The following PRB2 variants were observed in gnomAD, a reference collection of about 807,000 sequenced individuals.
PRB2 encodes the protein proline rich protein BstNI subfamily 2.
PRB2 carries 12 observed loss-of-function variants against 8.3 expected under a neutral mutation model. The observed-to-expected ratio is 1.45, with a 90% CI of 0.93 to 2.35. The LOEUF is 2.35. Among genes scored for constraint, PRB2 ranks in the 30% most tolerant of loss-of-function variants. The pLI, the probability that PRB2 is intolerant of heterozygous loss-of-function variation, is 0.00. For missense variants in PRB2, 470 were observed against 507.0 expected (o/e 0.93, Z 0.70); for synonymous variants, 146 against 180.0 (o/e 0.81, Z 1.51).
In PRB2 at chr12:11,393,938, G is replaced by C. The variant is rs748769813; in HGVS notation, c.140C>G (p.Pro47Arg). The C allele has an allele frequency of 6.3e-7, 1 of 1,578,762 alleles. No homozygotes were observed. Among genetic ancestry groups the C allele is most frequent in the African/African-American group, 1.4e-5 (1 of 73,702 alleles). ...TCCTGGAGGAGATGGGGGACCTTGA[G>C]GTTTGTTGCCTCCTTGTGGGGGTGC... ...QGAPPQGGNK[P>R]QGPPSPPGKP... is the part of the protein sequence containing the mutation. The change falls in exon 3 of 4, where the codon CCT (proline) becomes CGT (arginine). Residue 47 changes from proline (P) to arginine (R), a missense_variant. Physicochemically the swap from Pro to Arg is moderately radical, Grantham distance 103. Coordinates refer to ENST00000389362, the MANE Select transcript of PRB2 (RefSeq NM_006248.4).
At position 11,392,820 on chromosome 12, in the gene PRB2, G is replaced by A. The variant is rs1864334836; in HGVS notation, c.*7C>T. On this transcript the variant is annotated 3_prime_UTR_variant, in exon 3 of 4. Coordinates refer to ENST00000389362, the MANE Select transcript of PRB2 (RefSeq NM_006248.4). ...TGTCATTGAATCCTAGATGACTGGG[G>A]AGGCTGTCACTGGGGAGGTCTGGAA... 6.7e-7 allele frequency: 1 copy of A among 1,498,236 alleles called. No individual in the cohort carries two copies. Among genetic ancestry groups the A allele is most frequent in the Non-Finnish European group, 8.9e-7 (1 of 1,122,682 alleles). 92.8% of individuals were successfully genotyped at this position (1,498,236 alleles called of 1,614,324 possible).
intron 1 of PRB2, among the ~76,000 whole-genome samples, chr12:11,395,185 C>T (rs1474606340): frequency 6.6e-6 from 1 of 151,966 alleles, no homozygotes; most frequent in Non-Finnish European, 1.5e-5. Flanking sequence ...CATGAATCTG[C>T]CTTGCATTCT....
chr12:11,392,750 T>C, intron 3 of PRB2, 44 bp downstream of exon 3: 1 of 1,108,984 alleles, frequency 9.0e-7, no homozygotes, highest in Non-Finnish European at 1.2e-6. Context: ...GCTGGAGAGC[T>C]GTAGCAATTA....
Position 11,395,423 on chromosome 12 carries a change from G to T in PRB2, c.64+43C>A, listed in dbSNP as rs766706006. On this transcript the variant is annotated intron_variant, in intron 1 of 3. Coordinates refer to ENST00000389362, the MANE Select transcript of PRB2 (RefSeq NM_006248.4). ...CGTAATTACCATTATCACCTCCTAA[G>T]CCCCAAGCAGAGTCACCACATCTTC... 5 of 1,611,278 alleles carry T rather than the reference G, an allele frequency of 3.1e-6. No homozygotes were observed. The East Asian group carries it at 1.1e-4, about 36-fold the overall frequency.
chr12:11,393,959 G>T lies in PRB2; in HGVS notation c.119C>A (p.Pro40His). Residue 40 changes from proline to histidine, a missense_variant, in exon 3 of 4, where the codon CCC (proline) becomes CAC (histidine). Pro to His is a moderately conservative substitution (Grantham distance 77). Around this residue, in one of 4 missense-constraint regions of PRB2, gnomAD observed 211 missense variants for 207.7 expected, o/e 1.02. Coordinates refer to ENST00000389362, the MANE Select transcript of PRB2 (RefSeq NM_006248.4). ...TTGAGGTTTGTTGCCTCCTTGTGGG[G>T]GTGCTCCTTGTGGATTTCCTGGAGA... ...SLIAGNPQGA[P>H]PQGGNKPQGP... The T allele has an allele frequency of 1.3e-6, 2 of 1,587,878 alleles. No homozygotes were observed. Among genetic ancestry groups the T allele is most frequent in the Non-Finnish European group, 1.7e-6 (2 of 1,163,888 alleles).
At chr12:11,394,569 T>C (rs768566595) in intron 1 of PRB2, 39 bp from the exon 2 acceptor site, 21 of 1,607,736 alleles carry the variant, frequency 1.3e-5, no homozygotes, top group Middle Eastern at 1.6e-4. Context: ...CAGTTACATC[T>C]TGAACCTTAC....
At position 11,393,713 on chromosome 12, in the gene PRB2, G is replaced by A. The variant is rs1864359540; in HGVS notation, c.365C>T (p.Pro122Leu). 1.9e-6 allele frequency: 3 copies of A among 1,600,346 alleles called. No individual in the cohort carries two copies. Among genetic ancestry groups the A allele is most frequent in the Non-Finnish European group, 2.6e-6 (3 of 1,173,184 alleles). The change falls in exon 3 of 4, where the codon CCC (proline) becomes CTC (leucine). Residue 122 changes from proline to leucine, a missense_variant. Coordinates refer to ENST00000389362, the MANE Select transcript of PRB2 (RefSeq NM_006248.4). ...TTGAGGCTGGTTGCCTCCTTGTGGG[G>A]GTGGTCCTTGTGGCTTTCCTGGAGG... ...RSPPGKPQGP[P>L]PQGGNQPQGP...
In PRB2 at chr12:11,393,031, G is replaced by T; in HGVS notation, c.1047C>A (p.Pro349=). 1 of 1,608,494 alleles carries T rather than the reference G, an allele frequency of 6.2e-7. No homozygotes were observed. Among genetic ancestry groups the T allele is most frequent in the South Asian group, 1.1e-5 (1 of 90,504 alleles). The change falls in exon 3 of 4, where the codon CCC becomes CCA. Residue 349 remains proline (P), a synonymous_variant. Coordinates refer to ENST00000389362, the MANE Select transcript of PRB2 (RefSeq NM_006248.4). ...PPPPGKPQGP[P]PQGGSKSRSA... ...TTCGGGACTTGCTGCCTCCTTGTGG[G>T]GGTGGTCCTTGTGGCTTTCCTGGAG...
In PRB2 at chr12:11,391,545, A is replaced by G; in HGVS notation, c.*137T>C. 1 of 379,212 alleles carries G rather than the reference A, an allele frequency of 2.6e-6. No homozygotes were observed. Among genetic ancestry groups the G allele is most frequent in the Non-Finnish European group, 5.2e-6 (1 of 191,748 alleles). The allele number at this position is 379,212 out of a possible 1,614,324, so 23.5% of individuals were successfully genotyped here. A position where few individuals can be genotyped will look rare whatever the true frequency, so the allele number is the denominator to read the frequency against. ...ACAGACACCACAATCAGAAATTGCA[A>G]GCTAATTATTTTATTGGTATACAGA... On this transcript the variant is annotated 3_prime_UTR_variant, in exon 4 of 4. Coordinates refer to ENST00000389362, the MANE Select transcript of PRB2 (RefSeq NM_006248.4).
At position 11,394,533 on chromosome 12, in the gene PRB2, A is replaced by G. The variant is rs750813548; in HGVS notation, c.65-3T>C. The G allele has an allele frequency of 1.9e-6, 3 of 1,613,292 alleles. No homozygotes were observed. The highest frequency in any genetic ancestry group is 2.2e-5 in the South Asian group (2 of 91,070). On this transcript the variant is annotated splice_polypyrimidine_tract_variant and splice_region_variant and intron_variant, in intron 1 of 3. Coordinates refer to ENST00000389362, the MANE Select transcript of PRB2 (RefSeq NM_006248.4). The stretch of plus-strand genomic sequence containing the variant: ...GGGAGATTCTTCCTGGCTGACATCT[A>G]GAAGAGAAGCACAGGATGATGGGAA...
rs2416784 is a variant in PRB2 at position 11,395,393 on chromosome 12, T to C, written c.64+73A>G. 4,399 of 1,589,020 alleles carry C rather than the reference T, an allele frequency of 2.8e-3. 23 individuals are homozygous for C. Among genetic ancestry groups the C allele is most frequent in the South Asian group, 6.4e-3 (582 of 90,448 alleles). ...CCATCTGTGTTTTCATTCTCCTCTC[T>C]TCCCCGTAATTACCATTATCACCTC... On this transcript the variant is annotated intron_variant, in intron 1 of 3. Coordinates refer to ENST00000389362, the MANE Select transcript of PRB2 (RefSeq NM_006248.4).
intron 2 of PRB2, among the ~76,000 whole-genome samples, chr12:11,394,294 C>G (rs1864373408): frequency 6.6e-6 from 1 of 152,132 alleles, no homozygotes; most frequent in Non-Finnish European, 1.5e-5. Flanking sequence ...GTCATCTAAG[C>G]CAAGCATCTC....
chr12:11,393,315 C>G lies in PRB2; in HGVS notation c.763G>C (p.Gly255Arg), dbSNP rs547527551. ...GGCTTTCCTGGAGGAGGTGGGGGAC[C>G]TTGGGGCTGGTTGCCTCCTTGTGGG... ...PPPQGGNQPQ[G>R]PPPPPGKPQG... Residue 255 changes from glycine (G) to arginine (R), a missense_variant, in exon 3 of 4, where the codon GGT becomes CGT. Around this residue, in one of 4 missense-constraint regions of PRB2, gnomAD observed 205 missense variants for 195.0 expected, o/e 1.05. Coordinates refer to ENST00000389362, the MANE Select transcript of PRB2 (RefSeq NM_006248.4). The G allele has an allele frequency of 6.1e-6, 9 of 1,481,912 alleles. No individual in the cohort carries two copies. The highest frequency in any genetic ancestry group is 1.8e-4 in the Middle Eastern group (1 of 5,692). 91.8% of individuals were successfully genotyped at this position (1,481,912 alleles called of 1,614,324 possible). A position where few individuals can be genotyped will look rare whatever the true frequency, so the allele number is the denominator to read the frequency against.
At position 11,393,728 on chromosome 12, in the gene PRB2, T is replaced by C. The variant is rs765858416; in HGVS notation, c.350A>G (p.Lys117Arg). The change falls in exon 3 of 4, where the codon AAG becomes AGG. Residue 117 changes from lysine to arginine, a missense_variant. Lys to Arg is a conservative substitution (Grantham distance 26, BLOSUM62 2). Transcript: ENST00000389362. ...KSRSPRSPPG[K>R]PQGPPPQGGN... ...TCCTTGTGGGGGTGGTCCTTGTGGC[T>C]TTCCTGGAGGAGATCGGGGACTTCG... 3 of 1,598,306 alleles carry C rather than the reference T, an allele frequency of 1.9e-6. No homozygotes were observed. Among genetic ancestry groups the C allele is most frequent in the East Asian group, 4.5e-5 (2 of 44,186 alleles).
chr12:11,394,618 A>G (rs1392136950), intron 1 of PRB2, 88 bp from the exon 2 acceptor site: 3 of 1,487,262 alleles, frequency 2.0e-6, no homozygotes, highest in Admixed American at 1.7e-5. Flanking sequence ...CAGACTTCTC[A>G]CCACACCCCA....
At position 11,394,466 on chromosome 12, in the gene PRB2, G is replaced by T. The variant is rs554986849; in HGVS notation, c.100+29C>A. On this transcript the variant is annotated intron_variant, in intron 2 of 3. Transcript: ENST00000389362. ...ATTCATAAGCAGAAAAAGACAGTCA[G>T]AACAGATTGAGAATGAATCGGGATT... 3 of 1,609,072 alleles carry T rather than the reference G, an allele frequency of 1.9e-6. No individual in the cohort carries two copies. In the South Asian group the frequency reaches 3.3e-5, roughly 18 times the overall value.
Position 11,391,547 on chromosome 12 carries a change from C to A in PRB2, c.*135G>T. The A allele has an allele frequency of 2.7e-6, 1 of 376,964 alleles. No individual in the cohort carries two copies. Among genetic ancestry groups the A allele is most frequent in the South Asian group, 2.0e-5 (1 of 50,190 alleles). 23.4% of individuals were successfully genotyped at this position (376,964 alleles called of 1,614,324 possible). ...AGACACCACAATCAGAAATTGCAAG[C>A]TAATTATTTTATTGGTATACAGAAG... On this transcript the variant is annotated 3_prime_UTR_variant, in exon 4 of 4. Coordinates refer to ENST00000389362, the MANE Select transcript of PRB2 (RefSeq NM_006248.4).
chr12:11,393,688 T>A lies in PRB2; in HGVS notation c.390A>T (p.Gln130His), dbSNP rs781019066. 42 of 1,585,340 alleles carry A rather than the reference T, an allele frequency of 2.6e-5. No homozygotes were observed. Among genetic ancestry groups the A allele is most frequent in the South Asian group, 7.8e-5 (7 of 89,282 alleles). Residue 130 changes from glutamine (Q) to histidine (H), a missense_variant, in exon 3 of 4, where the codon CAA becomes CAT. Gln to His is a conservative substitution (Grantham distance 24). Around this residue, in one of 4 missense-constraint regions of PRB2, gnomAD observed 211 missense variants for 207.7 expected, o/e 1.02. Coordinates refer to ENST00000389362, the MANE Select transcript of PRB2 (RefSeq NM_006248.4). ...GCTTTCCTGGAGGAGGTGGAGGACC[T>A]TGAGGCTGGTTGCCTCCTTGTGGGG... Reference protein sequence around the residue: ...GPPPQGGNQPQGPPPPPGKPQ... With the variant: ...GPPPQGGNQPHGPPPPPGKPQ...
chr12:11,394,616 T>A, intron 1 of PRB2, 86 bp from the exon 2 acceptor site: 1 of 1,498,298 alleles, frequency 6.7e-7, no homozygotes, highest in Non-Finnish European at 9.3e-7. Context: ...AACAGACTTC[T>A]CACCACACCC....
Sources: allele counts gnomAD v4.1 joint callset (sites outside exome capture counted in the v4.1 genomes callset), GRCh38; gene constraint gnomAD v4.1.1; regional missense constraint gnomAD v4.1.1; transcripts MANE v1.5; gene names NCBI Gene and HGNC (gene_info 2026-07-23, HGNC 2026-07-21).